Variants in MRC1 observed in about 807,000 individuals in gnomAD.
MRC1 encodes macrophage mannose receptor 1.
Under a neutral mutation model 102.9 loss-of-function variants are expected in MRC1, and 62 were observed. That is an observed-to-expected ratio of 0.60 (90% CI 0.49 to 0.74). The LOEUF (loss-of-function observed/expected upper bound fraction) is 0.74. Among genes scored for constraint, MRC1 ranks in the 30% least tolerant of loss-of-function variants. The probability of loss-of-function intolerance (pLI) is 0.00; values close to 1 mark genes in which losing one functional copy is unlikely to be tolerated. For missense variants in MRC1, 1,237 were observed against 862.8 expected (o/e 1.43, Z -5.43); for synonymous variants, 457 against 298.4 (o/e 1.53, Z -5.48).
At chr10:17,818,589 A>G (rs1554838061) in intron 1 of MRC1, among the ~76,000 whole-genome samples, 2 of 152,202 alleles carry the variant, frequency 1.3e-5, no homozygotes, top group East Asian at 3.9e-4. Flanking sequence ...TGTGCGGATC[A>G]CTTGAGGTCA....
rs938140078 is a variant in MRC1, at chr10:17,848,000, C to T, written c.1064-1579C>T. Among the ~76,000 whole-genome samples the T allele has an allele frequency of 1.7e-3, 247 of 149,672 alleles. 1 individual carries two copies. Among genetic ancestry groups the T allele is most frequent in the Non-Finnish European group, 2.8e-3 (187 of 67,700 alleles). On this transcript the variant is annotated intron_variant, in intron 6 of 29. Transcript: ENST00000569591. Reference sequence around the variant, plus strand: ...AGGGAATAGAATTTTTTTAAATATGCATTTTTTATTACAATTGTACAGCAT... The same window carrying T: ...AGGGAATAGAATTTTTTTAAATATGTATTTTTTATTACAATTGTACAGCAT...
intron 26 of MRC1, among the ~76,000 whole-genome samples, chr10:17,903,462 C>T (rs1833857611): frequency 8.1e-6 from 1 of 122,932 alleles, no homozygotes; most frequent in Non-Finnish European, 1.6e-5. Flanking sequence ...TTGGTGCAAT[C>T]TTGGCTCACT....
intron 5 of MRC1, among the ~76,000 whole-genome samples, chr10:17,844,695 C>A (rs1335553767): frequency 6.6e-6 from 1 of 151,500 alleles, no homozygotes; most frequent in African/African-American, 2.4e-5. Context: ...GAGCATAGAA[C>A]CCAGTAGCTA....
rs1838885593 is a variant in MRC1 at position 17,849,746 on chromosome 10, A to G, written c.1231A>G (p.Ile411Val). 1.3e-6 allele frequency: 1 copy of G among 780,884 alleles called. No homozygotes were observed. Among genetic ancestry groups the G allele is most frequent in the Non-Finnish European group, 2.4e-6 (1 of 418,022 alleles). 48.4% of individuals were successfully genotyped at this position (780,884 alleles called of 1,614,324 possible). A position where few individuals can be genotyped will look rare whatever the true frequency, so the allele number is the denominator to read the frequency against. ...IHTIEELDFI[I>V]SQLGYEPNDE... The stretch of plus-strand genomic sequence containing the variant: ...CACCATCGAGGAATTGGACTTTATT[A>G]TCTCCCAGCTAGGATATGGTGAGAA... The change falls in exon 7 of 30, where the codon ATC (isoleucine) becomes GTC (valine). Residue 411 changes from isoleucine to valine, a missense_variant. Physicochemically the swap from Ile to Val is conservative, Grantham distance 29. Transcript: ENST00000569591.
intron 14 of MRC1, 54 bp downstream of exon 14, chr10:17,870,989 G>T: frequency 2.4e-6 from 2 of 844,724 alleles, no homozygotes; most frequent in Non-Finnish European, 2.1e-6. Context: ...TATTTATTTT[G>T]ATGTTGTCTT....
chr10:17,821,392 C>T (rs1838393904), intron 1 of MRC1, among the ~76,000 whole-genome samples: 1 of 152,210 alleles, frequency 6.6e-6, no homozygotes, highest in African/African-American at 2.4e-5. Context: ...ATAGTGAAAT[C>T]TACCACCTTT....
At position 17,833,608 on chromosome 10, in the gene MRC1, A is replaced by G. The variant is rs1056045544; in HGVS notation, c.638-67A>G. 103 of 780,514 alleles carry G rather than the reference A, an allele frequency of 1.3e-4. No individual in the cohort carries two copies. The Middle Eastern group carries it at 1.3e-3, about 10-fold the overall frequency. The allele number at this position is 780,514 out of a possible 1,614,324, so 48.3% of individuals were successfully genotyped here. A position where few individuals can be genotyped will look rare whatever the true frequency, so the allele number is the denominator to read the frequency against. On this transcript the variant is annotated intron_variant, in intron 3 of 29. Coordinates refer to ENST00000569591, the MANE Select transcript of MRC1 (RefSeq NM_002438.4). Reference sequence around the variant, plus strand: ...GCAAAAATGCTCCTAGGTGGTTTAAATAATACTATTCACTGGAAGTGTTTT... The same window carrying G: ...GCAAAAATGCTCCTAGGTGGTTTAAGTAATACTATTCACTGGAAGTGTTTT...
At chr10:17,897,079 C>A (rs1833765560) in intron 23 of MRC1, among the ~76,000 whole-genome samples, 1 of 152,140 alleles carries the variant, frequency 6.6e-6, no homozygotes, top group African/African-American at 2.4e-5. Context: ...TTTATGGACA[C>A]AAATTTGAAT....
chr10:17,890,740 C>T (rs1373095048), intron 22 of MRC1, among the ~76,000 whole-genome samples: 3 of 152,146 alleles, frequency 2.0e-5, no homozygotes, highest in Non-Finnish European at 4.4e-5. Context: ...ATGTTGAAAG[C>T]TGGGTATATA....
In MRC1 at chr10:17,849,564, C is replaced by CT. The variant is rs1285188554; in HGVS notation, c.1064-15_1064-14insT. On this transcript the variant is annotated splice_polypyrimidine_tract_variant and intron_variant, in intron 6 of 29. Coordinates refer to ENST00000569591, the MANE Select transcript of MRC1 (RefSeq NM_002438.4). Reference sequence around the variant, plus strand: ...TCTTTTAAAATTTTTTTCCGACCCCCCTTTTTGTTTCTAGAAAGTGATGTG... The same window carrying CT: ...TCTTTTAAAATTTTTTTCCGACCCCCTCTTTTTGTTTCTAGAAAGTGATGTG... 350 of 776,960 alleles carry CT rather than the reference C, an allele frequency of 4.5e-4. No individual in the cohort carries two copies. Among genetic ancestry groups the CT allele is most frequent in the Non-Finnish European group, 5.2e-4 (218 of 416,770 alleles). The allele number at this position is 776,960 out of a possible 1,614,324, so 48.1% of individuals were successfully genotyped here.
intron 2 of MRC1, among the ~76,000 whole-genome samples, chr10:17,824,569 T>C (rs1324716900): frequency 6.6e-6 from 1 of 152,096 alleles, no homozygotes; most frequent in African/African-American, 2.4e-5. Context: ...GGCTCAGAAA[T>C]AAGTTATTTT....
At chr10:17,813,943 C>A (rs1210095680) in intron 1 of MRC1, among the ~76,000 whole-genome samples, 1 of 152,046 alleles carries the variant, frequency 6.6e-6, no homozygotes, top group Non-Finnish European at 1.5e-5. Context: ...AAGTGATTTG[C>A]TCACCTCGGC....
rs1159143035 is a variant in MRC1, at chr10:17,881,834, G to GTTT, written c.2980+680_2980+682dup. 3.7e-4 allele frequency among the ~76,000 whole-genome samples: 23 copies of GTTT among 61,882 alleles called. 1 individual carries two copies. Among genetic ancestry groups the GTTT allele is most frequent in the Non-Finnish European group, 5.7e-4 (21 of 36,522 alleles). 40.6% of individuals were successfully genotyped at this position (61,882 alleles called of 152,430 possible). ...CAATGCTCGCCTAATATTTTTTAAA[G>GTTT]TTTTTTTTTTTTTTTTTTTTTTTTT... On this transcript the variant is annotated intron_variant, in intron 21 of 29. Coordinates refer to ENST00000569591, the MANE Select transcript of MRC1 (RefSeq NM_002438.4).
In MRC1 at chr10:17,898,216, C is replaced by A; in HGVS notation, c.3433C>A (p.Gln1145Lys). The change falls in exon 24 of 30, where the codon CAG becomes AAG. Residue 1145 changes from glutamine (Q) to lysine (K), a missense_variant. Transcript: ENST00000569591. ...CTACAGTAATGCATTTGCGTGGCTG[C>A]AGATGGAAACATCTAATGAACGTGT... ...DPYSNAFAWL[Q>K]METSNERVWI... 1.3e-6 allele frequency: 1 copy of A among 780,848 alleles called. No individual in the cohort carries two copies. 48.4% of individuals were successfully genotyped at this position (780,848 alleles called of 1,614,324 possible). A position where few individuals can be genotyped will look rare whatever the true frequency, so the allele number is the denominator to read the frequency against.
rs1179816829 is a variant in MRC1, at chr10:17,814,677, C to CTT, written c.61+5176_61+5177dup. ...CCGTGTTCTCGGTCCTTCCGTCCCTCTTTTTTTTTTTTTTTTTTTTTTTTT... is the reference window on the plus strand; with the variant it reads ...CCGTGTTCTCGGTCCTTCCGTCCCTCTTTTTTTTTTTTTTTTTTTTTTTTTTT... On this transcript the variant is annotated intron_variant, in intron 1 of 29. Coordinates refer to ENST00000569591, the MANE Select transcript of MRC1 (RefSeq NM_002438.4). Among the ~76,000 whole-genome samples, 94 of 85,178 alleles carry CTT rather than the reference C, an allele frequency of 1.1e-3. 3 individuals are homozygous for CTT. The highest frequency in any genetic ancestry group is 3.8e-3 in the South Asian group (7 of 1,844). 55.9% of individuals were successfully genotyped at this position (85,178 alleles called of 152,430 possible). A position where few individuals can be genotyped will look rare whatever the true frequency, so the allele number is the denominator to read the frequency against.
At position 17,910,285 on chromosome 10, in the gene MRC1, C is replaced by G. The variant is rs908188599; in HGVS notation, c.4191C>G (p.Leu1397=). The part of the protein sequence containing the change: ...NVAGVVIIVI[L]LILTGAGLAA... ...CCGGAGTAGTCATCATTGTGATCCT[C>G]CTGATTTTAACGGGTGCTGGCCTTG... The change falls in exon 30 of 30, where the codon CTC becomes CTG. Residue 1397 remains leucine, a synonymous_variant. Transcript: ENST00000569591. 349 of 780,868 alleles carry G rather than the reference C, an allele frequency of 4.5e-4. No individual in the cohort carries two copies. The African/African-American group carries it at 5.6e-3, about 13-fold the overall frequency. The allele number at this position is 780,868 out of a possible 1,614,324, so 48.4% of individuals were successfully genotyped here. A position where few individuals can be genotyped will look rare whatever the true frequency, so the allele number is the denominator to read the frequency against.
chr10:17,815,823 TTTTTC>T (rs1589162155), intron 1 of MRC1, among the ~76,000 whole-genome samples: 1 of 130,598 alleles, frequency 7.7e-6, no homozygotes, highest in Admixed American at 7.7e-5. Flanking sequence ...ATTTCATTTC[TTTTTC>T]TTTTCTTTTT....
rs1014836554 is a variant in MRC1 at position 17,856,236 on chromosome 10, C to T, written c.1408-6C>T. 160 of 858,316 alleles carry T rather than the reference C, an allele frequency of 1.9e-4. 2 individuals carry two copies. In the African/African-American group the frequency reaches 2.5e-3, roughly 13 times the overall value. 53.2% of individuals were successfully genotyped at this position (858,316 alleles called of 1,614,324 possible). On this transcript the variant is annotated splice_polypyrimidine_tract_variant and splice_region_variant and intron_variant, in intron 8 of 29. Coordinates refer to ENST00000569591, the MANE Select transcript of MRC1 (RefSeq NM_002438.4). ...TTATTTTTTTCTCTCTCTCTGCTCC[C>T]TGCAGGATGGGTACTGGGCAGATCG... is the stretch of plus-strand genomic sequence containing the variant.
At chr10:17,839,279 A>G (rs1057275758) in intron 4 of MRC1, among the ~76,000 whole-genome samples, 10 of 152,192 alleles carry the variant, frequency 6.6e-5, no homozygotes, top group South Asian at 2.1e-4. Context: ...CAGTCTCAAT[A>G]TCTACTTCAG....
Sources: gnomAD v4.1 joint callset for allele counts (sites outside exome capture counted in the v4.1 genomes callset) on GRCh38, gnomAD v4.1.1 for gene constraint, MANE v1.5 for transcripts, NCBI Gene and HGNC (gene_info 2026-07-23, HGNC 2026-07-21) for gene names.